Variants in MOXD1 observed in about 807,000 individuals in gnomAD.
MOXD1 encodes the protein DBH-like monooxygenase protein 1.
MOXD1 carries 62 observed loss-of-function variants against 66.6 expected under a neutral mutation model. That is an observed-to-expected ratio of 0.93 (90% CI 0.76 to 1.15). The LOEUF (loss-of-function observed/expected upper bound fraction) is 1.15. Ranked by LOEUF, MOXD1 falls within the 50% of genes most tolerant of loss-of-function variation. The probability of loss-of-function intolerance (pLI) is 0.00; values close to 1 mark genes in which losing one functional copy is unlikely to be tolerated. For synonymous variants in MOXD1, 303 were observed against 281.9 expected, an observed-to-expected ratio of 1.07 and a Z score of -0.75; for missense variants, 847 against 754.6, an observed-to-expected ratio of 1.12 and a Z score of -1.44.
chr6:132,401,305 C>T lies in MOXD1; in HGVS notation c.122G>A (p.Trp41Ter). The T allele has an allele frequency of 6.3e-7, 1 of 1,594,662 alleles. No homozygotes were observed. The highest frequency in any genetic ancestry group is 1.8e-4 in the Middle Eastern group (1 of 5,496). Reference protein sequence around the residue: ...LDSEGKYWLGWSQRGSQIAFR... With the variant: ...LDSEGKYWLG ...GGCGATCTGGCTGCCCCGCTGGCTCCAGCCCAGCCAGTACTTGCCCTCCGA... is the reference window on the plus strand; with the variant it reads ...GGCGATCTGGCTGCCCCGCTGGCTCTAGCCCAGCCAGTACTTGCCCTCCGA... The change falls in exon 1 of 12, where the codon TGG (tryptophan) becomes TAG (stop). Residue 41 changes from tryptophan (W) to a stop codon, truncating the protein, a stop_gained. Transcript: ENST00000367963. LOFTEE classifies it high-confidence loss of function.
At chr6:132,336,540 G>A (rs1647062415) in intron 4 of MOXD1, among the ~76,000 whole-genome samples, 1 of 152,106 alleles carries the variant, frequency 6.6e-6, no homozygotes, top group Non-Finnish European at 1.5e-5. Context: ...TGTATCCCAG[G>A]TATGAGAGAC....
rs563873437 is a variant in MOXD1 at position 132,297,191 on chromosome 6, G to C, written c.1804C>G (p.Leu602Val). The C allele has an allele frequency of 3.0e-5, 49 of 1,613,592 alleles. No homozygotes were observed. Among genetic ancestry groups the C allele is most frequent in the Middle Eastern group, 3.3e-4 (2 of 6,050 alleles). ...DFSINLLVCL[L>V]LLSCTLSTKS... ...GTGCTCAGCGTGCAGCTGAGTAGCA[G>C]AAGGCAAACAAGCAAGTTGATGGAG... Residue 602 changes from leucine (L) to valine (V), a missense_variant, in exon 12 of 12, where the codon CTG (leucine) becomes GTG (valine). Transcript: ENST00000367963.
chr6:132,307,700 A>G (rs1019193624), intron 10 of MOXD1, among the ~76,000 whole-genome samples: 12 of 152,226 alleles, frequency 7.9e-5, no homozygotes, highest in Non-Finnish European at 1.3e-4. Context: ...TCAAATTAGA[A>G]CTCAGGATTA....
At chr6:132,379,532 TG>T (rs1430513605) in intron 1 of MOXD1, among the ~76,000 whole-genome samples, 1 of 152,220 alleles carries the variant, frequency 6.6e-6, no homozygotes, top group Non-Finnish European at 1.5e-5. Context: ...TGTTATTCCC[TG>T]ACTCTATTTT....
chr6:132,378,994 A>G (rs566733980), intron 1 of MOXD1, among the ~76,000 whole-genome samples: 2 of 139,118 alleles, frequency 1.4e-5, no homozygotes, highest in Admixed American at 8.2e-5. Context: ...GTTTACTGCA[A>G]CCTCCGCCTC....
rs187075356 is a variant in MOXD1, at chr6:132,390,100, T to C, written c.264+11063A>G. ...TCTATAAAATCACCAAGTCTCTAGATCAAAGCTTGAAAGACTCTAGCTGAG... is the reference window on the plus strand; with the variant it reads ...TCTATAAAATCACCAAGTCTCTAGACCAAAGCTTGAAAGACTCTAGCTGAG... On this transcript the variant is annotated intron_variant, in intron 1 of 11. Transcript: ENST00000367963. 2.0e-5 allele frequency among the ~76,000 whole-genome samples: 3 copies of C among 151,622 alleles called. No homozygotes were observed. The Admixed American group carries it at 2.0e-4, about 10-fold the overall frequency.
At chr6:132,381,507 A>G (rs1244211655) in intron 1 of MOXD1, among the ~76,000 whole-genome samples, 1 of 152,120 alleles carries the variant, frequency 6.6e-6, no homozygotes, top group Non-Finnish European at 1.5e-5. Flanking sequence ...ATTCTTGCCT[A>G]GAGGATGAAA....
At chr6:132,379,954 G>A (rs866742841) in intron 1 of MOXD1, among the ~76,000 whole-genome samples, 9 of 152,078 alleles carry the variant, frequency 5.9e-5, no homozygotes, top group Non-Finnish European at 8.8e-5. Context: ...TTTTCACCAC[G>A]TTGCCCAGGC....
intron 4 of MOXD1, among the ~76,000 whole-genome samples, chr6:132,329,365 C>A (rs566330425): frequency 3.3e-5 from 5 of 152,288 alleles, no homozygotes; most frequent in African/African-American, 1.2e-4. Context: ...TTAATCCAGT[C>A]TATCACTGAT....
rs1776293577 is a variant in MOXD1, at chr6:132,372,855, G to A, written c.554C>T (p.Pro185Leu). 1 of 1,613,972 alleles carries A rather than the reference G, an allele frequency of 6.2e-7. No homozygotes were observed. Among genetic ancestry groups the A allele is most frequent in the Non-Finnish European group, 8.5e-7 (1 of 1,179,896 alleles). Residue 185 changes from proline to leucine, a missense_variant, in exon 3 of 12, where the codon CCA becomes CTA. Physicochemically the swap from Pro to Leu is moderately conservative, Grantham distance 98. Coordinates refer to ENST00000367963, the MANE Select transcript of MOXD1 (RefSeq NM_015529.4). ...GTCCTGATTTACCAGATCAAAGTAT[G>A]GTAAGGCTGTAGATAGCACACTAGT... ...EKTSVLSTAL[P>L]YFDLVNQDVP...
intron 1 of MOXD1, among the ~76,000 whole-genome samples, chr6:132,397,764 C>G (rs1056428130): frequency 1.3e-5 from 2 of 152,068 alleles, no homozygotes; most frequent in Non-Finnish European, 2.9e-5. Context: ...AACAGAAGAT[C>G]TGGCAATACT....
intron 4 of MOXD1, among the ~76,000 whole-genome samples, chr6:132,362,791 C>T (rs746924303): frequency 3.9e-5 from 6 of 152,206 alleles, no homozygotes; most frequent in Non-Finnish European, 7.3e-5. Flanking sequence ...AGCAGTCTCA[C>T]TAACTTCTTT....
rs149243766 is a variant in MOXD1 at position 132,309,648 on chromosome 6, G to C, written c.1508+5987C>G. The stretch of plus-strand genomic sequence containing the variant: ...CTACAAGGCTACAGTAACTAAAACA[G>C]CATGATACTGGTGCAAAAACAGACA... On this transcript the variant is annotated intron_variant, in intron 10 of 11. Transcript: ENST00000367963. Among the ~76,000 whole-genome samples the C allele has an allele frequency of 4.9e-4, 74 of 152,284 alleles. No individual in the cohort carries two copies. In the East Asian group the frequency reaches 0.014, roughly 29 times the overall value.
rs2114582471 is a variant in MOXD1, at chr6:132,328,010, C to T, written c.946+3G>A. 6.2e-7 allele frequency: 1 copy of T among 1,606,068 alleles called. No individual in the cohort carries two copies. The highest frequency in any genetic ancestry group is 2.2e-5 in the East Asian group (1 of 44,812). On this transcript the variant is annotated splice_donor_region_variant and intron_variant, in intron 6 of 11. Transcript: ENST00000367963. The stretch of plus-strand genomic sequence containing the variant: ...AGGTAAAACATATGAATAATAAACT[C>T]ACCTTCCTCATAAGTGGGATTATCA...
chr6:132,362,840 A>G (rs1562293509), intron 4 of MOXD1, among the ~76,000 whole-genome samples: 1 of 152,112 alleles, frequency 6.6e-6, no homozygotes, highest in African/African-American at 2.4e-5. Context: ...CCCTAATATC[A>G]TCTCCAAGAT....
intron 4 of MOXD1, among the ~76,000 whole-genome samples, chr6:132,366,765 A>G (rs777589530): frequency 4.6e-5 from 7 of 152,152 alleles, no homozygotes; most frequent in Non-Finnish European, 1.0e-4. Flanking sequence ...AAGTGAGCAC[A>G]GTAGAAAAAC....
At position 132,401,209 on chromosome 6, in the gene MOXD1, G is replaced by T; in HGVS notation, c.218C>A (p.Ala73Asp). Residue 73 changes from alanine (A) to aspartate (D), a missense_variant, in exon 1 of 12, where the codon GCC becomes GAC. Transcript: ENST00000367963. ...GGCCACCCCGCCCACGACGATGTCGGCGGACGCCATGGCCCCGGTGGGCGA... is the reference window on the plus strand; with the variant it reads ...GGCCACCCCGCCCACGACGATGTCGTCGGACGCCATGGCCCCGGTGGGCGA... ...GFSPTGAMAS[A>D]DIVVGGVAHG... 6.4e-7 allele frequency: 1 copy of T among 1,561,100 alleles called. No individual in the cohort carries two copies. Among genetic ancestry groups the T allele is most frequent in the Non-Finnish European group, 8.6e-7 (1 of 1,161,754 alleles).
rs1366456848 is a variant in MOXD1, at chr6:132,401,419, C to G, written c.8G>C (p.Cys3Ser). ...CCCCCACAGCAGGAGCAGCGGCCAG[C>G]AGCACATCCTCGGGCGCCTCCTGCC... is the stretch of plus-strand genomic sequence containing the variant. MC[C>S]WPLLLLWGLL... Residue 3 changes from cysteine to serine, a missense_variant, in exon 1 of 12, where the codon TGC becomes TCC. Cys to Ser is a moderately radical substitution (Grantham distance 112, BLOSUM62 -1). Coordinates refer to ENST00000367963, the MANE Select transcript of MOXD1 (RefSeq NM_015529.4). 2 of 1,502,120 alleles carry G rather than the reference C, an allele frequency of 1.3e-6. No individual in the cohort carries two copies. Among genetic ancestry groups the G allele is most frequent in the Admixed American group, 4.2e-5 (2 of 47,900 alleles). 93.0% of individuals were successfully genotyped at this position (1,502,120 alleles called of 1,614,324 possible).
intron 10 of MOXD1, among the ~76,000 whole-genome samples, chr6:132,308,246 A>G (rs994535398): frequency 1.3e-5 from 2 of 152,208 alleles, no homozygotes; most frequent in Admixed American, 6.5e-5. Context: ...AAACACCTCT[A>G]TGCAAATAAA....
Sources: gnomAD v4.1 joint callset for allele counts (sites outside exome capture counted in the v4.1 genomes callset) on GRCh38, gnomAD v4.1.1 for gene constraint, MANE v1.5 for transcripts, NCBI Gene and HGNC (gene_info 2026-07-23, HGNC 2026-07-21) for gene names.